NLRP2: variants seen among roughly 807,000 people sequenced by gnomAD.
NLRP2 encodes NACHT, LRR and PYD domains-containing protein 2.
Under a neutral mutation model 97.2 loss-of-function variants are expected in NLRP2, and 107 were observed. That is an observed-to-expected ratio of 1.10 (90% CI 0.94 to 1.29). NLRP2 has a LOEUF of 1.29. NLRP2 is among the 50% of genes most tolerant of loss of function. The pLI, the probability that NLRP2 is intolerant of heterozygous loss-of-function variation, is 0.00. For synonymous variants in NLRP2, 663 were observed against 551.5 expected, an observed-to-expected ratio of 1.20 and a Z score of -2.83; for missense variants, 1,495 against 1,330.3, an observed-to-expected ratio of 1.12 and a Z score of -1.93.
chr19:54,990,405 A>G, intron 9 of NLRP2, 97 bp from the exon 10 acceptor site: 1 of 1,348,216 alleles, frequency 7.4e-7, no homozygotes. Flanking sequence ...TGGGGAGTTC[A>G]CAAGAAGGGG....
intron 7 of NLRP2, 49 bp from the exon 8 acceptor site, chr19:54,986,102 G>T: frequency 2.4e-6 from 3 of 1,254,452 alleles, no homozygotes; most frequent in Non-Finnish European, 3.5e-6. Flanking sequence ...ATTTAAGTAC[G>T]ATACAGGTGT....
chr19:54,966,456 A>G lies in NLRP2; in HGVS notation c.-29A>G, dbSNP rs1349790150. The stretch of plus-strand genomic sequence containing the variant: ...CTCATCTCCGCCGGCGAGTAGGGCC[A>G]GGTGTTGGGAGGTGAGTAGCTCTCC... On this transcript the variant is annotated 5_prime_UTR_variant, in exon 1 of 13. Coordinates refer to ENST00000448584, the MANE Select transcript of NLRP2 (RefSeq NM_017852.5). The G allele has an allele frequency of 6.6e-6, 1 of 152,154 alleles. No individual in the cohort carries two copies. The highest frequency in any genetic ancestry group is 1.5e-5 in the Non-Finnish European group (1 of 68,032). 9.4% of individuals were successfully genotyped at this position (152,154 alleles called of 1,614,324 possible).
chr19:54,994,443 A>G lies in NLRP2; in HGVS notation c.2879+4A>G. 1 of 1,612,414 alleles carries G rather than the reference A, an allele frequency of 6.2e-7. No homozygotes were observed. Among genetic ancestry groups the G allele is most frequent in the Non-Finnish European group, 8.5e-7 (1 of 1,179,900 alleles). The stretch of plus-strand genomic sequence containing the variant: ...TGTGCAACTTGAGATGTCTGTGGTG[A>G]GTTAACTTATAAGTTCAACTTCCTA... On this transcript the variant is annotated splice_donor_region_variant and intron_variant, in intron 11 of 12. Transcript: ENST00000448584.
Position 54,986,440 on chromosome 19 carries a change from G to A in NLRP2, c.2366+125G>A, listed in dbSNP as rs2072093101. The A allele has an allele frequency of 3.6e-6, 3 of 828,666 alleles. No homozygotes were observed. The South Asian group carries it at 4.2e-5, about 12-fold the overall frequency. The allele number at this position is 828,666 out of a possible 1,614,324, so 51.3% of individuals were successfully genotyped here. On this transcript the variant is annotated intron_variant, in intron 8 of 12. Coordinates refer to ENST00000448584, the MANE Select transcript of NLRP2 (RefSeq NM_017852.5). ...ACTAGAAACAGTACTAAGGGCAGAT[G>A]ACCCAGGATGCAGCATGGGCTGAAC...
chr19:54,989,457 G>T (rs954800160), intron 8 of NLRP2: 1 of 173,844 alleles, frequency 5.8e-6, no homozygotes, highest in Non-Finnish European at 1.2e-5. Flanking sequence ...GGGCGACAGA[G>T]CATAAATAAC....
At chr19:54,984,329 G>GGTTTTTTTTTTTTTTTTTTTT (rs1329961462) in intron 6 of NLRP2, among the ~76,000 whole-genome samples, 53 of 79,680 alleles carry the variant, frequency 6.7e-4, no homozygotes, top group Non-Finnish European at 1.2e-3. Context: ...TTTTTTTTGT[G>GGTTTTTTTTTTTTTTTTTTTT]TTTTTTTTTT....
At position 54,966,713 on chromosome 19, in the gene NLRP2, T is replaced by C. The variant is rs1417021490; in HGVS notation, c.-18+246T>C. ...GGCACCTGCCACTATGCCCAGCTAA[T>C]TTTTTTGTATTTTTAGTAGAGACGG... On this transcript the variant is annotated intron_variant, in intron 1 of 12. Transcript: ENST00000448584. 2.6e-5 allele frequency among the ~76,000 whole-genome samples: 4 copies of C among 151,306 alleles called. No individual in the cohort carries two copies. In the East Asian group the frequency reaches 7.8e-4, roughly 29 times the overall value.
intron 10 of NLRP2, chr19:54,991,117 G>A (rs1309513219): frequency 1.9e-4 from 29 of 154,806 alleles, no homozygotes; most frequent in Non-Finnish European, 1.4e-5. Flanking sequence ...GCAATTGGTT[G>A]TAAATGGAAT....
At chr19:54,970,769 T>A (rs989401473) in intron 2 of NLRP2, among the ~76,000 whole-genome samples, 21 of 108,942 alleles carry the variant, frequency 1.9e-4, no homozygotes, top group African/African-American at 4.5e-4. Context: ...TCTACCTACT[T>A]CTTTTTTTTT....
In NLRP2 at chr19:54,994,310, T is replaced by A. The variant is rs749025165; in HGVS notation, c.2750T>A (p.Leu917His). The change falls in exon 11 of 13, where the codon CTC (leucine) becomes CAC (histidine). Residue 917 changes from leucine (L) to histidine (H), a missense_variant. Leu to His is a moderately conservative substitution (Grantham distance 99). Coordinates refer to ENST00000448584, the MANE Select transcript of NLRP2 (RefSeq NM_017852.5). ...CDITSDGCCD[L>H]TKLLQEKSSL... is the part of the protein sequence containing the mutation. The stretch of plus-strand genomic sequence containing the variant: ...ATAACTAGCGATGGCTGCTGCGATC[T>A]CACAAAGCTTCTCCAAGAAAAATCA... 3 of 1,614,178 alleles carry A rather than the reference T, an allele frequency of 1.9e-6. No individual in the cohort carries two copies. Among genetic ancestry groups the A allele is most frequent in the Non-Finnish European group, 2.5e-6 (3 of 1,180,032 alleles).
rs769831942 is a variant in NLRP2, at chr19:54,983,466, A to G, written c.1768A>G (p.Ile590Val). 2.7e-5 allele frequency: 43 copies of G among 1,614,052 alleles called. No individual in the cohort carries two copies. The highest frequency in any genetic ancestry group is 1.6e-4 in the Middle Eastern group (1 of 6,084). The part of the protein sequence containing the change: ...DIKQELLRCD[I>V]SCKGGHSTVT... ...CAAACAGGAATTGCTGCGATGCGAC[A>G]TAAGTTGTAAGGGTGGACATTCAAC... Residue 590 changes from isoleucine to valine, a missense_variant, in exon 6 of 13, where the codon ATA becomes GTA. Physicochemically the swap from Ile to Val is conservative, Grantham distance 29. Coordinates refer to ENST00000448584, the MANE Select transcript of NLRP2 (RefSeq NM_017852.5).
chr19:54,990,724 CA>C, intron 10 of NLRP2, 52 bp downstream of exon 10: 1 of 1,590,340 alleles, frequency 6.3e-7, no homozygotes, highest in African/African-American at 1.3e-5. Context: ...ACACGCCCCC[CA>C]CCTCCGGGTT....
intron 10 of NLRP2, 104 bp from the exon 11 acceptor site, chr19:54,994,165 C>T: frequency 3.3e-6 from 4 of 1,196,298 alleles, no homozygotes; most frequent in African/African-American, 1.5e-5. Flanking sequence ...CATGTCACCA[C>T]TGTCTCTAAG....
chr19:54,983,904 G>A (rs547055222), intron 6 of NLRP2, among the ~76,000 whole-genome samples, 176 bp downstream of exon 6: 3 of 152,128 alleles, frequency 2.0e-5, no homozygotes, highest in South Asian at 4.2e-4. Context: ...AGGCTGGAGC[G>A]CAGTGGCGCG....
chr19:54,967,573 T>A (rs545146313), intron 1 of NLRP2, among the ~76,000 whole-genome samples: 1 of 152,150 alleles, frequency 6.6e-6, no homozygotes, highest in Admixed American at 6.6e-5. Flanking sequence ...GGTTGGCTCA[T>A]AAGAGGATAG....
At chr19:54,978,489 C>T (rs1212419055) in intron 4 of NLRP2, among the ~76,000 whole-genome samples, 1 of 152,064 alleles carries the variant, frequency 6.6e-6, no homozygotes, top group Admixed American at 6.6e-5. Context: ...CTGCTCCACC[C>T]ACCCCCAAGT....
rs34804158 is a variant in NLRP2, at chr19:54,983,283, A to G, written c.1585A>G (p.Thr529Ala). The change falls in exon 6 of 13, where the codon ACC becomes GCC. Residue 529 changes from threonine (T) to alanine (A), a missense_variant. By Grantham distance (58) the Thr-to-Ala change is moderately conservative. Transcript: ENST00000448584. ...GGAGGAAGAGGATAGGGACGGCCACACCTGGGACATTGGGGACGTACAGAA... is the reference window on the plus strand; with the variant it reads ...GGAGGAAGAGGATAGGGACGGCCACGCCTGGGACATTGGGGACGTACAGAA... ...KEEEEDRDGH[T>A]WDIGDVQKLL... 358,856 of 1,575,782 alleles carry G rather than the reference A, an allele frequency of 0.23. 48,273 individuals carry two copies. The highest frequency in any genetic ancestry group is 0.26 in the Non-Finnish European group (299,160 of 1,145,912).
chr19:54,977,303 C>T (rs2071299564), intron 3 of NLRP2, among the ~76,000 whole-genome samples: 1 of 152,012 alleles, frequency 6.6e-6, no homozygotes, highest in Non-Finnish European at 1.5e-5. Flanking sequence ...TTCCTGTAAT[C>T]CCAGCTACTC....
At chr19:54,968,276 G>C (rs1275558459) in intron 1 of NLRP2, among the ~76,000 whole-genome samples, 2 of 151,816 alleles carry the variant, frequency 1.3e-5, no homozygotes, top group East Asian at 1.9e-4. Context: ...GGAACTTCTG[G>C]ACTGGAGTGA....
Sources: gnomAD v4.1 joint callset for allele counts (sites outside exome capture counted in the v4.1 genomes callset) on GRCh38, gnomAD v4.1.1 for gene constraint, MANE v1.5 for transcripts, NCBI Gene and HGNC (gene_info 2026-07-23, HGNC 2026-07-21) for gene names.